The following HSPA12A variants were observed in gnomAD, a reference collection of about 807,000 sequenced individuals.
HSPA12A encodes the protein heat shock 70 kDa protein 12A.
A neutral mutation model predicts 69.2 loss-of-function variants in HSPA12A; 28 were observed. The ratio of observed to expected loss-of-function variants is 0.40; its 90% CI spans 0.30 to 0.55. HSPA12A has a LOEUF of 0.55. Among genes scored for constraint, HSPA12A ranks in the 20% least tolerant of loss-of-function variants. The pLI is 0.38. For missense variants in HSPA12A, 686 were observed against 900.7 expected, an observed-to-expected ratio of 0.76 and a Z score of 3.05; for synonymous variants, 345 against 370.5, an observed-to-expected ratio of 0.93 and a Z score of 0.79.
chr10:116,707,773 G>A (rs567763321), intron 1 of HSPA12A, among the ~76,000 whole-genome samples: 27 of 152,186 alleles, frequency 1.8e-4, no homozygotes, highest in African/African-American at 5.6e-4. Context: ...TCCTAGGAAT[G>A]TAGGATGTGA....
intron 2 of HSPA12A, among the ~76,000 whole-genome samples, chr10:116,759,243 A>T (rs1189235823): frequency 6.6e-6 from 1 of 152,250 alleles, no homozygotes; most frequent in Non-Finnish European, 1.5e-5. Flanking sequence ...AAGTCATTTC[A>T]GAGGTAGTTC....
intron 2 of HSPA12A, among the ~76,000 whole-genome samples, chr10:116,782,472 AT>A (rs1554891905): frequency 6.6e-6 from 1 of 152,184 alleles, no homozygotes; most frequent in Non-Finnish European, 1.5e-5. Flanking sequence ...TGAAGAATGG[AT>A]AAATAAATTG....
At chr10:116,833,183 A>G (rs1472767073) in intron 2 of HSPA12A, 1 of 152,260 alleles carries the variant, frequency 6.6e-6, no homozygotes, top group African/African-American at 2.4e-5. Flanking sequence ...TAACAGGCCC[A>G]TAACATGTTC....
intron 2 of HSPA12A, among the ~76,000 whole-genome samples, chr10:116,792,387 A>G (rs1279761325): frequency 3.9e-5 from 6 of 151,988 alleles, no homozygotes; most frequent in Admixed American, 3.9e-4. Flanking sequence ...AAGCAGAGGT[A>G]ATATAAGAAG....
chr10:116,756,069 C>T (rs575519650), intron 2 of HSPA12A, among the ~76,000 whole-genome samples: 13 of 152,280 alleles, frequency 8.5e-5, no homozygotes, highest in African/African-American at 1.2e-4. Context: ...TGCCTGCATA[C>T]GAACACCTCC....
intron 2 of HSPA12A, among the ~76,000 whole-genome samples, chr10:116,752,288 T>C (rs1851792996): frequency 6.6e-6 from 1 of 152,218 alleles, no homozygotes; most frequent in Non-Finnish European, 1.5e-5. Context: ...TTCAAGGAAA[T>C]GGGGCTATGC....
At chr10:116,751,685 T>C (rs915670916) in intron 2 of HSPA12A, among the ~76,000 whole-genome samples, 1 of 152,186 alleles carries the variant, frequency 6.6e-6, no homozygotes, top group Non-Finnish European at 1.5e-5. Flanking sequence ...GGTTTGGATG[T>C]TTGTCCCCTC....
At chr10:116,720,894 C>A (rs752384052) in intron 1 of HSPA12A, among the ~76,000 whole-genome samples, 12 of 152,202 alleles carry the variant, frequency 7.9e-5, no homozygotes, top group Non-Finnish European at 1.8e-4. Context: ...CCACCCACTG[C>A]AGCCTGGAGG....
intron 2 of HSPA12A, among the ~76,000 whole-genome samples, chr10:116,792,279 A>AAAC: frequency 6.6e-6 from 1 of 150,534 alleles, no homozygotes; most frequent in South Asian, 2.1e-4. Flanking sequence ...AAAAAAAAAA[A>AAAC]AATTATCCAT....
chr10:116,819,331 C>T (rs1197063541), intron 2 of HSPA12A, among the ~76,000 whole-genome samples: 1 of 152,200 alleles, frequency 6.6e-6, no homozygotes, highest in African/African-American at 2.4e-5. Flanking sequence ...GACAATTCCC[C>T]TTGCACTTTA....
chr10:116,796,278 TATAATA>T (rs1204284931), intron 2 of HSPA12A, among the ~76,000 whole-genome samples: 1 of 152,120 alleles, frequency 6.6e-6, no homozygotes, highest in Non-Finnish European at 1.5e-5. Context: ...CGTTAGCTGT[TATAATA>T]ATAATAATAG....
intron 2 of HSPA12A, among the ~76,000 whole-genome samples, chr10:116,748,392 T>C (rs993852781): frequency 5.3e-5 from 8 of 152,190 alleles, no homozygotes; most frequent in African/African-American, 1.9e-4. Flanking sequence ...AGAGCAATGC[T>C]TGCACAAGTC....
chr10:116,808,575 C>G (rs1845114223), intron 2 of HSPA12A, among the ~76,000 whole-genome samples: 1 of 152,148 alleles, frequency 6.6e-6, no homozygotes, highest in Admixed American at 6.5e-5. Flanking sequence ...GACCTCAACA[C>G]AGCGTTTCCT....
intron 2 of HSPA12A, among the ~76,000 whole-genome samples, chr10:116,809,627 G>A (rs1203172375): frequency 6.6e-6 from 1 of 152,178 alleles, no homozygotes; most frequent in Non-Finnish European, 1.5e-5. Context: ...AGCGACGCCG[G>A]GGACTGTCTG....
chr10:116,714,219 T>C (rs4751610), intron 1 of HSPA12A, among the ~76,000 whole-genome samples: 87,148 of 151,718 alleles, frequency 0.57, 25,514 homozygotes, highest in South Asian at 0.72. Flanking sequence ...AGACTAAGAG[T>C]GTCAGGGAGT....
At chr10:116,764,174 C>T (rs1244805413) in intron 2 of HSPA12A, among the ~76,000 whole-genome samples, 1 of 152,154 alleles carries the variant, frequency 6.6e-6, no homozygotes. Flanking sequence ...TTTCCACTGG[C>T]ACTACTTTTA....
At chr10:116,787,464 C>A (rs3125618) in intron 2 of HSPA12A, among the ~76,000 whole-genome samples, 5,200 of 74,372 alleles carry the variant, frequency 0.07, 275 homozygotes, top group Non-Finnish European at 0.12. Flanking sequence ...AAAAAAAAAA[C>A]CACAGGCGCC....
chr10:116,748,337 G>T (rs541633211), intron 2 of HSPA12A, among the ~76,000 whole-genome samples: 2 of 152,298 alleles, frequency 1.3e-5, no homozygotes, highest in African/African-American at 4.8e-5. Context: ...TAGAATAAGG[G>T]TGTTATCTGA....
Position 116,675,299 on chromosome 10 carries a change from T to C in HSPA12A, c.1510A>G (p.Ile504Val). Residue 504 changes from isoleucine (I) to valine (V), a missense_variant, in exon 12 of 12, where the codon ATC (isoleucine) becomes GTC (valine). Transcript: ENST00000369209. The surrounding 1 kb of genome is among the most constrained non-coding windows in gnomAD (Gnocchi z 5.2). Reference sequence around the variant, plus strand: ...AGGCCCACGTCCTGGGGGATGATGATCCGGCACTGGTCCCCAAAAGCAGCC... The same window carrying C: ...AGGCCCACGTCCTGGGGGATGATGACCCGGCACTGGTCCCCAAAAGCAGCC... ...VQAAFGDQCR[I>V]IIPQDVGLTI... 1.2e-6 allele frequency: 2 copies of C among 1,613,360 alleles called. No individual in the cohort carries two copies. The highest frequency in any genetic ancestry group is 3.3e-4 in the Middle Eastern group (2 of 6,058).
Sources: gnomAD v4.1 joint callset for allele counts (sites outside exome capture counted in the v4.1 genomes callset) on GRCh38, gnomAD v4.1.1 for gene constraint, Gnocchi (gnomAD v3.1) non-coding constraint, MANE v1.5 for transcripts, NCBI Gene and HGNC (gene_info 2026-07-23, HGNC 2026-07-21) for gene names.